Variants in PACSIN2 observed in about 807,000 individuals in gnomAD.
PACSIN2 encodes protein kinase C and casein kinase substrate in neurons protein 2.
In PACSIN2, 25 loss-of-function variants were observed where a neutral mutation model predicts 63.8. The observed-to-expected ratio is 0.39, with a 90% CI of 0.29 to 0.55. The LOEUF (loss-of-function observed/expected upper bound fraction) is 0.55, where lower values mean the gene tolerates loss of function less well. PACSIN2 is among the 20% of genes least tolerant of loss of function. The probability of loss-of-function intolerance (pLI) is 0.62; values close to 1 mark genes in which losing one functional copy is unlikely to be tolerated. For synonymous variants in PACSIN2, 255 were observed against 256.2 expected, an observed-to-expected ratio of 1.00 and a Z score of 0.05; for missense variants, 518 against 646.9, an observed-to-expected ratio of 0.80 and a Z score of 2.16.
At chr22:42,921,510 C>A (rs1243791077) in intron 1 of PACSIN2, among the ~76,000 whole-genome samples, 1 of 152,150 alleles carries the variant, frequency 6.6e-6, no homozygotes, top group African/African-American at 2.4e-5. Flanking sequence ...AAGAGGGAAC[C>A]AGCTCAGCTT....
At chr22:42,936,310 G>C (rs908261521) in intron 1 of PACSIN2, among the ~76,000 whole-genome samples, 1 of 152,166 alleles carries the variant, frequency 6.6e-6, no homozygotes, top group Non-Finnish European at 1.5e-5. Context: ...AGATCATGCG[G>C]GGAAATACCT....
At chr22:42,989,833 AAAG>A (rs1269735587) in intron 1 of PACSIN2, among the ~76,000 whole-genome samples, 3 of 148,280 alleles carry the variant, frequency 2.0e-5, no homozygotes, top group Non-Finnish European at 4.4e-5. Flanking sequence ...AAAAAAAAGA[AAAG>A]AAAACTCATT....
chr22:42,885,080 C>G (rs1929376459), intron 5 of PACSIN2, among the ~76,000 whole-genome samples: 1 of 152,234 alleles, frequency 6.6e-6, no homozygotes, highest in South Asian at 2.1e-4. Context: ...TTTCAGCCCA[C>G]TCCATCCCCC....
At chr22:43,002,980 T>G (rs889239612) in intron 1 of PACSIN2, among the ~76,000 whole-genome samples, 1 of 152,348 alleles carries the variant, frequency 6.6e-6, no homozygotes, top group Middle Eastern at 3.4e-3. Context: ...GCTCCAGATC[T>G]CTCCCATCTA....
intron 1 of PACSIN2, among the ~76,000 whole-genome samples, chr22:43,001,558 G>A (rs142673204): frequency 1.3e-5 from 2 of 152,360 alleles, no homozygotes; most frequent in Admixed American, 6.5e-5. Context: ...GCAGTCAGAC[G>A]AGCCCTGAAG....
chr22:42,935,726 T>C (rs965325474), intron 1 of PACSIN2, among the ~76,000 whole-genome samples: 4 of 151,606 alleles, frequency 2.6e-5, no homozygotes, highest in African/African-American at 4.9e-5. Context: ...GGCCAGACAC[T>C]GAAACACACT....
chr22:42,982,587 C>T (rs1424896662), intron 1 of PACSIN2, among the ~76,000 whole-genome samples: 1 of 113,048 alleles, frequency 8.8e-6, no homozygotes, highest in Non-Finnish European at 1.8e-5. Flanking sequence ...CAACCCTGTG[C>T]TCTCTGAAAC....
chr22:42,925,771 A>T (rs1404588187), intron 1 of PACSIN2, among the ~76,000 whole-genome samples: 1 of 152,230 alleles, frequency 6.6e-6, no homozygotes, highest in Non-Finnish European at 1.5e-5. Context: ...ACATGGGTTT[A>T]GCAACCACGG....
intron 1 of PACSIN2, among the ~76,000 whole-genome samples, chr22:42,984,962 T>C (rs1337099451): frequency 6.6e-6 from 1 of 152,186 alleles, no homozygotes; most frequent in Non-Finnish European, 1.5e-5. Flanking sequence ...GATGGATATA[T>C]GTGGATTTGC....
chr22:42,945,427 C>T (rs1933373869), intron 1 of PACSIN2, among the ~76,000 whole-genome samples: 1 of 152,156 alleles, frequency 6.6e-6, no homozygotes, highest in Non-Finnish European at 1.5e-5. Context: ...AACCTCAAGC[C>T]CCCTGATCTG....
intron 1 of PACSIN2, chr22:42,946,989 A>G (rs1392474408): frequency 6.6e-6 from 1 of 152,244 alleles, no homozygotes; most frequent in Non-Finnish European, 1.5e-5. Context: ...CCACGGCCAC[A>G]TACTTCCCGA....
At chr22:42,928,100 CAG>C (rs1383789182) in intron 1 of PACSIN2, among the ~76,000 whole-genome samples, 1 of 152,164 alleles carries the variant, frequency 6.6e-6, no homozygotes, top group Non-Finnish European at 1.5e-5. Flanking sequence ...CCTCTGGATA[CAG>C]TTTAAAGAGC....
intron 1 of PACSIN2, among the ~76,000 whole-genome samples, chr22:42,988,614 T>G (rs1374680768): frequency 6.6e-6 from 1 of 152,128 alleles, no homozygotes; most frequent in African/African-American, 2.4e-5. Context: ...GGTATGAAGA[T>G]TTCAGTGAAA....
chr22:42,935,610 T>C (rs1386808378), intron 1 of PACSIN2, among the ~76,000 whole-genome samples: 1 of 152,216 alleles, frequency 6.6e-6, no homozygotes, highest in Non-Finnish European at 1.5e-5. Context: ...CATCAAGTCC[T>C]ATAATCACTG....
At chr22:42,967,118 T>C (rs1920968540) in intron 1 of PACSIN2, among the ~76,000 whole-genome samples, 1 of 141,932 alleles carries the variant, frequency 7.0e-6, no homozygotes, top group African/African-American at 2.7e-5. Flanking sequence ...TAACAGAAAC[T>C]AGGCAGGGAA....
rs1180708676 is a variant in PACSIN2 at position 42,983,316 on chromosome 22, C to CAAAAAAAAAA, written c.-78+31695_-78+31704dup. Among the ~76,000 whole-genome samples the CAAAAAAAAAA allele has an allele frequency of 1.4e-3, 92 of 63,650 alleles. 3 individuals carry two copies. The highest frequency in any genetic ancestry group is 4.9e-3 in the African/African-American group (88 of 17,878). 41.8% of individuals were successfully genotyped at this position (63,650 alleles called of 152,430 possible). On this transcript the variant is annotated intron_variant, in intron 1 of 10. Coordinates refer to ENST00000263246, the MANE Select transcript of PACSIN2 (RefSeq NM_001184970.3). ...CAGGCAACAGAGCGAGACTCCATCT[C>CAAAAAAAAAA]AAAAAAAAAAAAAAAAAAAAGAAAC...
In PACSIN2 at chr22:42,972,369, G is replaced by A. The variant is rs188512840; in HGVS notation, c.-78+42652C>T. 1.2e-4 allele frequency among the ~76,000 whole-genome samples: 19 copies of A among 152,258 alleles called. 1 individual carries two copies. The South Asian group carries it at 2.1e-3, about 17-fold the overall frequency. On this transcript the variant is annotated intron_variant, in intron 1 of 10. Transcript: ENST00000263246. ...CAGTACCCAGGGACATAAACATTGC[G>A]GAAGGCCGCAGGGTCCTCTGCCTAG...
chr22:42,894,469 C>G (rs1367801047), intron 2 of PACSIN2, among the ~76,000 whole-genome samples: 1 of 152,188 alleles, frequency 6.6e-6, no homozygotes. Flanking sequence ...TCTCAATCTC[C>G]TGACCTTGTG....
chr22:42,967,405 A>G (rs1337448738), intron 1 of PACSIN2, among the ~76,000 whole-genome samples: 1 of 152,216 alleles, frequency 6.6e-6, no homozygotes, highest in Non-Finnish European at 1.5e-5. Context: ...ACATTTAAAA[A>G]AGAAAAAGAC....
Sources: gnomAD v4.1 joint callset for allele counts (sites outside exome capture counted in the v4.1 genomes callset) on GRCh38, gnomAD v4.1.1 for gene constraint, MANE v1.5 for transcripts, NCBI Gene and HGNC (gene_info 2026-07-23, HGNC 2026-07-21) for gene names.